The following BICD1 variants were observed in gnomAD, a reference collection of about 807,000 sequenced individuals.
BICD1 encodes the protein BICD cargo adaptor 1, also known as protein bicaudal D homolog 1.
In BICD1, 35 loss-of-function variants were observed where a neutral mutation model predicts 92.5. The observed-to-expected ratio is 0.38, with a 90% confidence interval of 0.29 to 0.50. The LOEUF (loss-of-function observed/expected upper bound fraction) is 0.50. Ranked by LOEUF, BICD1 falls within the 20% of genes least tolerant of loss-of-function variation. The probability of loss-of-function intolerance (pLI) is 0.93; values close to 1 mark genes in which losing one functional copy is unlikely to be tolerated. For synonymous variants in BICD1, 429 were observed against 465.1 expected, an observed-to-expected ratio of 0.92 and a Z score of 1.00; for missense variants, 950 against 1,189.8, an observed-to-expected ratio of 0.80 and a Z score of 2.97.
intron 2 of BICD1, among the ~76,000 whole-genome samples, chr12:32,219,211 T>C (rs1441885601): frequency 3.3e-5 from 5 of 152,184 alleles, no homozygotes; most frequent in Non-Finnish European, 1.5e-5. Flanking sequence ...AATTTTTCTT[T>C]ACTGAAAGGA....
chr12:32,220,426 G>C (rs984632504), intron 2 of BICD1, among the ~76,000 whole-genome samples: 14 of 152,242 alleles, frequency 9.2e-5, no homozygotes, highest in Admixed American at 3.9e-4. Flanking sequence ...GTCAAAAAGT[G>C]GGCGAAGGAC....
Position 32,337,965 on chromosome 12 carries a change from C to T in BICD1, c.2570+149C>T, listed in dbSNP as rs1938206791. The T allele has an allele frequency of 9.9e-6, 8 of 808,550 alleles. No homozygotes were observed. Among genetic ancestry groups the T allele is most frequent in the Admixed American group, 2.7e-5 (1 of 36,398 alleles). 50.1% of individuals were successfully genotyped at this position (808,550 alleles called of 1,614,324 possible). A position where few individuals can be genotyped will look rare whatever the true frequency, so the allele number is the denominator to read the frequency against. ...TATAAATGGTCTTGCTAATGTGGGT[C>T]TTTCCAGATCAAAACCTTTTTGATA... On this transcript the variant is annotated intron_variant, in intron 7 of 9. Coordinates refer to ENST00000652176, the MANE Select transcript of BICD1 (RefSeq NM_001714.4). This position sits in a 1 kb window ranked among gnomAD's most constrained non-coding sequence, Gnocchi z 4.7.
chr12:32,144,387 A>G (rs1464822680), intron 1 of BICD1, among the ~76,000 whole-genome samples: 1 of 152,200 alleles, frequency 6.6e-6, no homozygotes, highest in African/African-American at 2.4e-5. Flanking sequence ...CTTTTTCGCT[A>G]ATGAAATCTA....
intron 4 of BICD1, among the ~76,000 whole-genome samples, chr12:32,309,537 A>G (rs1487849390): frequency 6.6e-6 from 1 of 152,236 alleles, no homozygotes; most frequent in Non-Finnish European, 1.5e-5. Flanking sequence ...GATGAGGACC[A>G]TTAAAGGCCT....
At chr12:32,125,936 C>T (rs959676105) in intron 1 of BICD1, among the ~76,000 whole-genome samples, 1 of 151,218 alleles carries the variant, frequency 6.6e-6, no homozygotes, top group African/African-American at 2.4e-5. Context: ...GTAGTCCCAG[C>T]TGCTCGGGAG....
At chr12:32,191,165 A>C (rs564733387) in intron 1 of BICD1, among the ~76,000 whole-genome samples, 6 of 152,314 alleles carry the variant, frequency 3.9e-5, no homozygotes, top group African/African-American at 1.4e-4. Flanking sequence ...TTCACACCCC[A>C]AGGAACTAGA....
At chr12:32,374,012 G>A (rs1352156957) in intron 9 of BICD1, among the ~76,000 whole-genome samples, 1 of 151,792 alleles carries the variant, frequency 6.6e-6, no homozygotes, top group Non-Finnish European at 1.5e-5. Flanking sequence ...TCAGGAGTTC[G>A]AGACCAGCCT....
intron 2 of BICD1, among the ~76,000 whole-genome samples, chr12:32,247,206 C>T (rs1234026819): frequency 4.8e-5 from 7 of 146,888 alleles, no homozygotes; most frequent in African/African-American, 7.7e-5. Flanking sequence ...CTCTGGGTTT[C>T]GCTCTGGATG....
chr12:32,146,629 A>G (rs1393049473), intron 1 of BICD1, among the ~76,000 whole-genome samples: 1 of 152,214 alleles, frequency 6.6e-6, no homozygotes, highest in African/African-American at 2.4e-5. Flanking sequence ...AGAGGTACAG[A>G]TGGAGACCTA....
intron 1 of BICD1, among the ~76,000 whole-genome samples, chr12:32,182,886 CTTTCTTT>C (rs1944317547): frequency 1.2e-5 from 1 of 80,418 alleles, no homozygotes; most frequent in Admixed American, 1.5e-4. Flanking sequence ...TCTTTTCTTT[CTTTCTTT>C]TTTTTTTTTT....
intron 1 of BICD1, among the ~76,000 whole-genome samples, chr12:32,198,331 T>TATATATATATATAC (rs1491234867): frequency 1.3e-5 from 1 of 77,474 alleles, no homozygotes; most frequent in South Asian, 5.7e-4. Context: ...TGCATCTATC[T>TATATATATATATAC]ATATATATAT....
intron 1 of BICD1, among the ~76,000 whole-genome samples, chr12:32,180,773 G>C (rs559177910): frequency 5.7e-4 from 87 of 151,954 alleles, no homozygotes; most frequent in African/African-American, 1.8e-3. Context: ...CTTGAATACT[G>C]GTTTTGTAAG....
chr12:32,155,174 C>T (rs898672097), intron 1 of BICD1, among the ~76,000 whole-genome samples: 2 of 152,068 alleles, frequency 1.3e-5, no homozygotes, highest in African/African-American at 4.8e-5. Context: ...TAGACTTCGT[C>T]CACAGCTGTA....
chr12:32,215,121 TG>T (rs1260032268), intron 1 of BICD1, among the ~76,000 whole-genome samples: 1 of 152,098 alleles, frequency 6.6e-6, no homozygotes, highest in East Asian at 1.9e-4. Flanking sequence ...CCCAGCTACA[TG>T]GGAGGCTGAA....
intron 5 of BICD1, chr12:32,332,606 A>G (rs1937926689): frequency 3.0e-6 from 1 of 331,406 alleles, no homozygotes; most frequent in Non-Finnish European, 4.3e-6. Flanking sequence ...AAACACAATT[A>G]CAGTTCAACG....
At chr12:32,157,052 T>C (rs1284831991) in intron 1 of BICD1, among the ~76,000 whole-genome samples, 3 of 152,242 alleles carry the variant, frequency 2.0e-5, no homozygotes, top group African/African-American at 7.2e-5. Flanking sequence ...ACTGGCATAA[T>C]TACATGTGCT....
chr12:32,369,350 CCTT>C (rs1939643136), intron 9 of BICD1, among the ~76,000 whole-genome samples: 1 of 152,254 alleles, frequency 6.6e-6, no homozygotes, highest in Admixed American at 6.5e-5. Flanking sequence ...AGTGTTCTCT[CCTT>C]ATCACAGCTG....
rs1400022871 is a variant in BICD1, at chr12:32,150,222, G to A, written c.213+42678G>A. On this transcript the variant is annotated intron_variant, in intron 1 of 9. Transcript: ENST00000652176. The stretch of plus-strand genomic sequence containing the variant: ...CAATTCAAGATGAGATTTGGGTGGG[G>A]ACACAGCCAAACTGTATCAACTATC... 2.0e-5 allele frequency among the ~76,000 whole-genome samples: 3 copies of A among 152,156 alleles called. No individual in the cohort carries two copies. In the East Asian group the frequency reaches 5.8e-4, roughly 29 times the overall value.
At chr12:32,263,851 G>T (rs1946922706) in intron 2 of BICD1, among the ~76,000 whole-genome samples, 1 of 152,178 alleles carries the variant, frequency 6.6e-6, no homozygotes, top group African/African-American at 2.4e-5. Context: ...ACGTATTTAA[G>T]TCTTGCTGTC....
Sources: allele counts gnomAD v4.1 joint callset (sites outside exome capture counted in the v4.1 genomes callset), GRCh38; gene constraint gnomAD v4.1.1; non-coding constraint Gnocchi (gnomAD v3.1); transcripts MANE v1.5; gene names NCBI Gene and HGNC (gene_info 2026-07-23, HGNC 2026-07-21).